The following SMIM31 variants were observed in gnomAD, a reference collection of about 807,000 sequenced individuals.
SMIM31 encodes the protein small integral membrane protein 31.
chr4:164,794,677 C>T (rs1180022224), intron 2 of SMIM31, among the ~76,000 whole-genome samples: 7 of 151,762 alleles, frequency 4.6e-5, no homozygotes, highest in African/African-American at 7.3e-5. Context: ...TGGTGGCGTG[C>T]GCCTGTAGTC....
chr4:164,773,393 AAG>A (rs1450228483), intron 2 of SMIM31, among the ~76,000 whole-genome samples: 1 of 152,232 alleles, frequency 6.6e-6, no homozygotes, highest in African/African-American at 2.4e-5. Context: ...TTATAAAGGA[AAG>A]AGGTCTAATT....
chr4:164,794,804 A>G (rs1390622876), intron 2 of SMIM31, among the ~76,000 whole-genome samples: 3 of 151,900 alleles, frequency 2.0e-5, no homozygotes, highest in Non-Finnish European at 4.4e-5. Flanking sequence ...ACTCCGTCTC[A>G]AAAAATAATA....
chr4:164,787,944 G>A (rs192407604), intron 2 of SMIM31, among the ~76,000 whole-genome samples: 35 of 152,068 alleles, frequency 2.3e-4, no homozygotes, highest in Non-Finnish European at 2.8e-4. Context: ...ACATATTATC[G>A]TCAATTTTTC....
intron 2 of SMIM31, among the ~76,000 whole-genome samples, chr4:164,781,759 G>A (rs1019899013): frequency 1.3e-5 from 2 of 152,132 alleles, no homozygotes; most frequent in Non-Finnish European, 2.9e-5. Flanking sequence ...AGCAAAAAGA[G>A]CCAACTTCAT....
At chr4:164,758,135 T>A (rs1390992838) in intron 1 of SMIM31, among the ~76,000 whole-genome samples, 1 of 152,118 alleles carries the variant, frequency 6.6e-6, no homozygotes, top group Admixed American at 6.5e-5. Flanking sequence ...ATTTTTAAAT[T>A]GTTGAATTCT....
chr4:164,776,646 T>C (rs1732883126), intron 2 of SMIM31, among the ~76,000 whole-genome samples: 1 of 152,244 alleles, frequency 6.6e-6, no homozygotes, highest in African/African-American at 2.4e-5. Context: ...TCATCTAGAA[T>C]GTAAGCTCCA....
chr4:164,758,827 T>TA, intron 1 of SMIM31, among the ~76,000 whole-genome samples: 1 of 98,424 alleles, frequency 1.0e-5, no homozygotes, highest in African/African-American at 4.0e-5. Flanking sequence ...TTTTTTTTTT[T>TA]TTTTTTTTTT....
intron 1 of SMIM31, among the ~76,000 whole-genome samples, chr4:164,762,746 T>C (rs983199695): frequency 6.6e-6 from 1 of 151,326 alleles, no homozygotes; most frequent in African/African-American, 2.4e-5. Flanking sequence ...AATGCTGCTA[T>C]AAAACAATGT....
intron 2 of SMIM31, among the ~76,000 whole-genome samples, chr4:164,774,084 T>C (rs907029659): frequency 1.3e-5 from 2 of 149,194 alleles, no homozygotes; most frequent in African/African-American, 4.9e-5. Flanking sequence ...GAGAATGGCA[T>C]GAACCCGGGA....
intron 2 of SMIM31, among the ~76,000 whole-genome samples, chr4:164,787,928 T>G (rs930940980): frequency 9.2e-5 from 14 of 152,204 alleles, no homozygotes; most frequent in Non-Finnish European, 2.1e-4. Flanking sequence ...ACTAATACGT[T>G]GGGGCACATA....
intron 2 of SMIM31, among the ~76,000 whole-genome samples, chr4:164,797,465 C>CTTTTTTTT (rs70952643): frequency 2.3e-5 from 3 of 131,350 alleles, no homozygotes; most frequent in African/African-American, 5.8e-5. Context: ...GATTTCTTTT[C>CTTTTTTTT]TTTTTTTTTT....
intron 2 of SMIM31, among the ~76,000 whole-genome samples, chr4:164,777,045 G>T (rs1007228177): frequency 6.6e-6 from 1 of 152,086 alleles, no homozygotes. Context: ...ATGATATATG[G>T]GCTATTCATA....
chr4:164,775,389 C>A (rs1437260402), intron 2 of SMIM31, among the ~76,000 whole-genome samples: 1 of 152,198 alleles, frequency 6.6e-6, no homozygotes, highest in Non-Finnish European at 1.5e-5. Context: ...GAGATTTGAA[C>A]TGTTTGTCCT....
At chr4:164,768,404 G>C (rs780910122) in intron 1 of SMIM31, among the ~76,000 whole-genome samples, 1 of 136,176 alleles carries the variant, frequency 7.3e-6, no homozygotes, top group Non-Finnish European at 1.5e-5. Context: ...ACTCCAGCCT[G>C]GGTGACGAGC....
At chr4:164,796,761 G>A (rs572264372) in intron 2 of SMIM31, among the ~76,000 whole-genome samples, 29 of 152,132 alleles carry the variant, frequency 1.9e-4, no homozygotes, top group Non-Finnish European at 4.3e-4. Flanking sequence ...CCCAGAATTT[G>A]ATTACATTCC....
intron 2 of SMIM31, among the ~76,000 whole-genome samples, chr4:164,783,232 A>T (rs28491715): frequency 2.4e-5 from 3 of 127,226 alleles, no homozygotes; most frequent in Non-Finnish European, 4.9e-5. Context: ...AAAAAAAAAA[A>T]GGAATTTCTG....
At chr4:164,764,897 A>T (rs1732700183) in intron 1 of SMIM31, among the ~76,000 whole-genome samples, 1 of 152,206 alleles carries the variant, frequency 6.6e-6, no homozygotes, top group African/African-American at 2.4e-5. Context: ...ATTTTAGCTG[A>T]TATAGAGTTT....
At chr4:164,780,070 T>C (rs895703835) in intron 2 of SMIM31, among the ~76,000 whole-genome samples, 1 of 152,228 alleles carries the variant, frequency 6.6e-6, no homozygotes, top group Non-Finnish European at 1.5e-5. Flanking sequence ...GCTTTGTCTT[T>C]TTCCCCAGTG....
intron 2 of SMIM31, among the ~76,000 whole-genome samples, chr4:164,798,807 T>TGATTG (rs1292255264): frequency 6.6e-6 from 1 of 151,854 alleles, no homozygotes; most frequent in Non-Finnish European, 1.5e-5. Flanking sequence ...CGGTTGGGGG[T>TGATTG]GATTGGATCA....
Sources: gnomAD v4.1 joint callset for allele counts (sites outside exome capture counted in the v4.1 genomes callset) on GRCh38, gnomAD v4.1.1 for gene constraint, MANE v1.5 for transcripts, NCBI Gene and HGNC (gene_info 2026-07-23, HGNC 2026-07-21) for gene names.